ALK: variants seen among roughly 807,000 people sequenced by gnomAD.
ALK encodes the protein ALK receptor tyrosine kinase, also known as ALK tyrosine kinase receptor.
A neutral mutation model predicts 163.1 loss-of-function variants in ALK; 74 were observed. The observed-to-expected ratio is 0.45, with a 90% CI of 0.38 to 0.55. The LOEUF is 0.55. Among genes scored for constraint, ALK ranks in the 20% least tolerant of loss-of-function variants. The pLI is 0.00. For synonymous variants in ALK, 960 were observed against 843.2 expected, an observed-to-expected ratio of 1.14 and a Z score of -2.40; for missense variants, 2,063 against 2,105.3, an observed-to-expected ratio of 0.98 and a Z score of 0.39.
rs70958256 is a variant in ALK at position 29,304,493 on chromosome 2, T to TAAAAAA, written c.1648-7442_1648-7437dup. Among the ~76,000 whole-genome samples the TAAAAAA allele has an allele frequency of 4.0e-5, 5 of 125,380 alleles. 1 individual carries two copies. Among genetic ancestry groups the TAAAAAA allele is most frequent in the East Asian group, 4.6e-4 (2 of 4,334 alleles). The allele number at this position is 125,380 out of a possible 152,430, so 82.3% of individuals were successfully genotyped here. On this transcript the variant is annotated intron_variant, in intron 8 of 28. Transcript: ENST00000389048. ...CTGGGCAATAGAGCAAGACTGTGTCTAAAAAAAAAAAAAAAAAAGAAAAGA... is the reference window on the plus strand; with the variant it reads ...CTGGGCAATAGAGCAAGACTGTGTCTAAAAAAAAAAAAAAAAAAAAAAAAGAAAAGA...
intron 3 of ALK, among the ~76,000 whole-genome samples, chr2:29,588,195 G>A (rs1674942217): frequency 6.6e-6 from 1 of 151,830 alleles, no homozygotes; most frequent in Non-Finnish European, 1.5e-5. Context: ...CATTATCCTA[G>A]CTATTCATGG....
chr2:29,908,686 G>A (rs986108434), intron 1 of ALK, among the ~76,000 whole-genome samples: 8 of 152,108 alleles, frequency 5.3e-5, no homozygotes, highest in Non-Finnish European at 8.8e-5. Context: ...GAAAACTACT[G>A]CTCATCTGCC....
rs370848151 is a variant in ALK at position 29,706,575 on chromosome 2, GAGA to G, written c.787+11000_787+11002del. Among the ~76,000 whole-genome samples the G allele has an allele frequency of 4.7e-4, 71 of 152,292 alleles. 1 individual carries two copies. In the East Asian group the frequency reaches 0.012, roughly 25 times the overall value. ...TTAGCTCACTTATAATCAAGCTGAA[GAGA>G]AGAAGGGCCAAGTCTCCTTCCATCA... On this transcript the variant is annotated intron_variant, in intron 2 of 28. Coordinates refer to ENST00000389048, the MANE Select transcript of ALK (RefSeq NM_004304.5).
chr2:29,854,542 C>T (rs2148402975), intron 1 of ALK, among the ~76,000 whole-genome samples: 1 of 152,294 alleles, frequency 6.6e-6, no homozygotes, highest in Admixed American at 6.5e-5. Flanking sequence ...GCTTCCTGTA[C>T]AGTCTGCAAA....
chr2:29,915,887 G>T (rs1184069809), intron 1 of ALK, among the ~76,000 whole-genome samples: 1 of 152,178 alleles, frequency 6.6e-6, no homozygotes, highest in African/African-American at 2.4e-5. Context: ...TGTTTAATTG[G>T]AGGGCAGGGA....
chr2:29,757,884 C>T (rs1005637329), intron 1 of ALK, among the ~76,000 whole-genome samples: 1 of 152,050 alleles, frequency 6.6e-6, no homozygotes. Context: ...TTTCTGACCC[C>T]TGATCTAAAG....
intron 1 of ALK, among the ~76,000 whole-genome samples, chr2:29,821,020 T>C (rs1396541800): frequency 6.6e-6 from 1 of 152,186 alleles, no homozygotes; most frequent in Admixed American, 6.5e-5. Context: ...AGCATGCTTA[T>C]TCTACCTGGA....
At chr2:29,576,871 A>G (rs1259553461) in intron 3 of ALK, among the ~76,000 whole-genome samples, 2 of 151,838 alleles carry the variant, frequency 1.3e-5, no homozygotes, top group African/African-American at 4.8e-5. Flanking sequence ...CCACCCCCAG[A>G]TGGGACCATC....
In ALK at chr2:29,209,939, C is replaced by T. The variant is rs1381595740; in HGVS notation, c.3744-61G>A. On this transcript the variant is annotated intron_variant, in intron 24 of 28. Coordinates refer to ENST00000389048, the MANE Select transcript of ALK (RefSeq NM_004304.5). ...CCTAGGAAGATGAGTGTACAACGGC[C>T]ATCACTAGGATTTTATCTCCAAGCT... is the stretch of plus-strand genomic sequence containing the variant. 12 of 1,342,644 alleles carry T rather than the reference C, an allele frequency of 8.9e-6. No individual in the cohort carries two copies. In the East Asian group the frequency reaches 1.1e-4, roughly 13 times the overall value. The allele number at this position is 1,342,644 out of a possible 1,614,324, so 83.2% of individuals were successfully genotyped here.
At chr2:29,351,116 C>A (rs193262606) in intron 5 of ALK, among the ~76,000 whole-genome samples, 1 of 152,174 alleles carries the variant, frequency 6.6e-6, no homozygotes, top group African/African-American at 2.4e-5. Context: ...ACATGGGACA[C>A]GTTTTCACCA....
At chr2:29,669,813 TAAG>T (rs1216032568) in intron 3 of ALK, among the ~76,000 whole-genome samples, 1 of 151,926 alleles carries the variant, frequency 6.6e-6, no homozygotes, top group Non-Finnish European at 1.5e-5. Flanking sequence ...TAGATAATAA[TAAG>T]TTGTTTTAAA....
intron 3 of ALK, among the ~76,000 whole-genome samples, chr2:29,628,180 C>T (rs542786787): frequency 9.9e-5 from 15 of 152,246 alleles, no homozygotes; most frequent in African/African-American, 3.6e-4. Context: ...GATATGTTTG[C>T]TTAAAACCCT....
chr2:29,408,374 A>T (rs1038159077), intron 4 of ALK, among the ~76,000 whole-genome samples: 4 of 151,964 alleles, frequency 2.6e-5, no homozygotes. Flanking sequence ...TACAGGTGTG[A>T]GCCACCATGC....
At chr2:29,821,568 G>A (rs1021426818) in intron 1 of ALK, among the ~76,000 whole-genome samples, 3 of 152,126 alleles carry the variant, frequency 2.0e-5, no homozygotes, top group African/African-American at 7.2e-5. Flanking sequence ...CCCCACAAAT[G>A]AGAGTGAAAA....
intron 1 of ALK, among the ~76,000 whole-genome samples, chr2:29,721,637 G>T (rs1055352186): frequency 8.5e-5 from 13 of 152,190 alleles, no homozygotes; most frequent in Non-Finnish European, 1.9e-4. Context: ...CTCTTCTGTT[G>T]TAAAGGATAA....
intron 1 of ALK, among the ~76,000 whole-genome samples, chr2:29,726,043 C>A (rs1246163216): frequency 6.6e-6 from 1 of 152,162 alleles, no homozygotes; most frequent in Non-Finnish European, 1.5e-5. Context: ...ACCTAACTGG[C>A]CAAGGTGGAC....
chr2:29,801,998 T>C (rs1664478079), intron 1 of ALK, among the ~76,000 whole-genome samples: 1 of 152,024 alleles, frequency 6.6e-6, no homozygotes, highest in Non-Finnish European at 1.5e-5. Flanking sequence ...AATGATAAAC[T>C]CCAAATCAAA....
chr2:29,412,450 C>A lies in ALK; in HGVS notation c.1155-28591G>T, dbSNP rs115109842. Among the ~76,000 whole-genome samples the A allele has an allele frequency of 3.4e-3, 519 of 152,272 alleles. 2 individuals carry two copies. The highest frequency in any genetic ancestry group is 0.012 in the African/African-American group (498 of 41,564). ...TCTAGTCTGCACCATTGCTTCCAAGCAAAACTGTTGTCCTGTCCTTAAAAA... is the reference window on the plus strand; with the variant it reads ...TCTAGTCTGCACCATTGCTTCCAAGAAAAACTGTTGTCCTGTCCTTAAAAA... On this transcript the variant is annotated intron_variant, in intron 4 of 28. Coordinates refer to ENST00000389048, the MANE Select transcript of ALK (RefSeq NM_004304.5).
intron 3 of ALK, among the ~76,000 whole-genome samples, chr2:29,560,382 G>A (rs187399621): frequency 2.0e-5 from 3 of 152,292 alleles, no homozygotes; most frequent in Admixed American, 2.0e-4. Context: ...TGTCTTTACA[G>A]CTGTAGAGAC....
Sources: gnomAD v4.1 joint callset for allele counts (sites outside exome capture counted in the v4.1 genomes callset) on GRCh38, gnomAD v4.1.1 for gene constraint, MANE v1.5 for transcripts, NCBI Gene and HGNC (gene_info 2026-07-23, HGNC 2026-07-21) for gene names.